Variants in KIAA1549L observed in about 807,000 individuals in gnomAD.
KIAA1549L encodes the protein UPF0606 protein KIAA1549L.
A neutral mutation model predicts 160.7 loss-of-function variants in KIAA1549L; 88 were observed. The ratio of observed to expected loss-of-function variants is 0.55; its 90% CI spans 0.46 to 0.65. The LOEUF is 0.65. Ranked by LOEUF, KIAA1549L falls within the 30% of genes least tolerant of loss-of-function variation. The pLI, the probability that KIAA1549L is intolerant of heterozygous loss-of-function variation, is 0.00. For missense variants in KIAA1549L, 2,258 were observed against 2,437.5 expected (o/e 0.93, Z 1.55); for synonymous variants, 950 against 976.7 (o/e 0.97, Z 0.51).
Position 33,552,161 on chromosome 11 carries a change from A to G in KIAA1549L, c.3775A>G (p.Thr1259Ala). The G allele has an allele frequency of 6.2e-7, 1 of 1,613,018 alleles. No homozygotes were observed. The highest frequency in any genetic ancestry group is 1.3e-5 in the African/African-American group (1 of 75,058). ...CATACAGTCCTGCAAGTTTGCTCAG[A>G]CAATGGAACAGAGGCTGCAGAAGGC... The part of the protein sequence containing the change: ...DNIQSCKFAQ[T>A]MEQRLQKAFQ... The change falls in exon 6 of 21, where the codon ACA becomes GCA. Residue 1259 changes from threonine (T) to alanine (A), a missense_variant. By Grantham distance (58) the Thr-to-Ala change is moderately conservative. Around this residue, in one of 6 missense-constraint regions of KIAA1549L, gnomAD observed 1,359 missense variants for 1,546.6 expected, o/e 0.88. Transcript: ENST00000658780.
chr11:33,618,350 A>G (rs1307459943), intron 15 of KIAA1549L, among the ~76,000 whole-genome samples, 183 bp from the exon 16 acceptor site: 2 of 120,644 alleles, frequency 1.7e-5, no homozygotes, highest in Non-Finnish European at 3.2e-5. Context: ...CAGCATCTGG[A>G]AAAAAAAAAA....
At chr11:33,580,475 G>C (rs887427217) in intron 10 of KIAA1549L, among the ~76,000 whole-genome samples, 2 of 149,320 alleles carry the variant, frequency 1.3e-5, no homozygotes, top group Non-Finnish European at 3.0e-5. Context: ...TTGGGAGGCT[G>C]ATGCACAAGA....
intron 1 of KIAA1549L, among the ~76,000 whole-genome samples, chr11:33,456,473 C>T (rs1000030637): frequency 1.3e-5 from 2 of 152,034 alleles, no homozygotes; most frequent in East Asian, 1.9e-4. Context: ...TATGATGGCG[C>T]GATCATGGCT....
Position 33,545,943 on chromosome 11 carries a change from A to C in KIAA1549L, c.3385+565A>C, listed in dbSNP as rs116697498. Among the ~76,000 whole-genome samples, 129 of 152,342 alleles carry C rather than the reference A, an allele frequency of 8.5e-4. 1 individual carries two copies. Among genetic ancestry groups the C allele is most frequent in the African/African-American group, 3.0e-3 (126 of 41,574 alleles). On this transcript the variant is annotated intron_variant, in intron 3 of 20. Coordinates refer to ENST00000658780, the MANE Select transcript of KIAA1549L (RefSeq NM_012194.3). Reference sequence around the variant, plus strand: ...GATAGCAAAAGCACAGCTTCTGCACACTATGTGGGAGCCCAGGATTTCTTT... The same window carrying C: ...GATAGCAAAAGCACAGCTTCTGCACCCTATGTGGGAGCCCAGGATTTCTTT...
At chr11:33,496,812 T>C (rs1408456430) in intron 1 of KIAA1549L, among the ~76,000 whole-genome samples, 1 of 152,218 alleles carries the variant, frequency 6.6e-6, no homozygotes, top group African/African-American at 2.4e-5. Context: ...CAAGCTCCTA[T>C]GGTGACCATA....
intron 19 of KIAA1549L, among the ~76,000 whole-genome samples, chr11:33,660,099 T>C (rs1297807413): frequency 3.9e-5 from 6 of 152,242 alleles, no homozygotes; most frequent in Non-Finnish European, 8.8e-5. Context: ...AGAGCACTAC[T>C]AGTGCATGCT....
intron 1 of KIAA1549L, among the ~76,000 whole-genome samples, chr11:33,491,721 A>G (rs1299002716): frequency 6.6e-6 from 1 of 152,212 alleles, no homozygotes; most frequent in Non-Finnish European, 1.5e-5. Context: ...GTCTGAAAAC[A>G]GAATGGTGTC....
chr11:33,531,158 A>G (rs1853759888), intron 1 of KIAA1549L, among the ~76,000 whole-genome samples: 1 of 152,190 alleles, frequency 6.6e-6, no homozygotes, highest in Non-Finnish European at 1.5e-5. Context: ...AGTGAAAGTG[A>G]AATTCTATTA....
intron 16 of KIAA1549L, among the ~76,000 whole-genome samples, chr11:33,632,431 A>G (rs1851322655): frequency 6.6e-6 from 1 of 152,194 alleles, no homozygotes; most frequent in Non-Finnish European, 1.5e-5. Context: ...TACACTGATT[A>G]ATTTAACTTG....
intron 7 of KIAA1549L, 89 bp from the exon 8 acceptor site, chr11:33,561,587 C>T: frequency 1.9e-6 from 2 of 1,065,532 alleles, no homozygotes. Flanking sequence ...GGCAACATAT[C>T]AAGATCCCAT....
Position 33,560,558 on chromosome 11 carries a change from C to T in KIAA1549L, c.4018+647C>T, listed in dbSNP as rs1467666151. 2.6e-5 allele frequency among the ~76,000 whole-genome samples: 4 copies of T among 152,318 alleles called. No individual in the cohort carries two copies. The East Asian group carries it at 7.7e-4, about 29-fold the overall frequency. On this transcript the variant is annotated intron_variant, in intron 7 of 20. Transcript: ENST00000658780. ...GTGGCCTCATCTTTTTCTAATGTTT[C>T]AGTTACATTATCCTCATTACCATGC...
chr11:33,400,826 T>G (rs1850483756), intron 1 of KIAA1549L, among the ~76,000 whole-genome samples: 1 of 152,226 alleles, frequency 6.6e-6, no homozygotes, highest in African/African-American at 2.4e-5. Flanking sequence ...ATATGGCATT[T>G]AATCTTCACA....
chr11:33,615,913 C>T (rs184921212), intron 15 of KIAA1549L, among the ~76,000 whole-genome samples: 1 of 152,318 alleles, frequency 6.6e-6, no homozygotes, highest in East Asian at 1.9e-4. Context: ...GAGAATTCCT[C>T]TCGAGTCTGC....
chr11:33,654,057 C>T (rs1303373805), intron 17 of KIAA1549L, among the ~76,000 whole-genome samples: 4 of 152,108 alleles, frequency 2.6e-5, no homozygotes, highest in African/African-American at 9.7e-5. Flanking sequence ...ACTGCAACCC[C>T]CAACTTCTGG....
intron 1 of KIAA1549L, among the ~76,000 whole-genome samples, chr11:33,389,710 A>G (rs1283553042): frequency 2.6e-5 from 4 of 152,304 alleles, no homozygotes; most frequent in Admixed American, 1.3e-4. Flanking sequence ...GACCAATGTA[A>G]TATCTTTTCT....
chr11:33,469,563 G>A (rs1852135147), intron 1 of KIAA1549L, among the ~76,000 whole-genome samples: 1 of 152,178 alleles, frequency 6.6e-6, no homozygotes, highest in South Asian at 2.1e-4. Context: ...TGGATCATAT[G>A]ATAACTATGT....
intron 1 of KIAA1549L, among the ~76,000 whole-genome samples, chr11:33,464,400 ATATCC>A (rs1439415926): frequency 6.6e-6 from 1 of 152,024 alleles, no homozygotes; most frequent in Non-Finnish European, 1.5e-5. Flanking sequence ...TCTCTCGCTT[ATATCC>A]TAGTGGAGAA....
rs7951687 is a variant in KIAA1549L, at chr11:33,484,824, A to T, written c.239-56978A>T. The stretch of plus-strand genomic sequence containing the variant: ...TGTAGTTTATTTTCTTCTCTGTATA[A>T]TCTCACTTTGATAATTTATTTTTTT... On this transcript the variant is annotated intron_variant, in intron 1 of 20. Transcript: ENST00000658780. Among the ~76,000 whole-genome samples, 1,074 of 152,122 alleles carry T rather than the reference A, an allele frequency of 7.1e-3. 16 individuals are homozygous for T. The highest frequency in any genetic ancestry group is 0.025 in the African/African-American group (1,037 of 41,488).
rs753967057 is a variant in KIAA1549L at position 33,547,857 on chromosome 11, A to G, written c.3479A>G (p.His1160Arg). The part of the protein sequence containing the change: ...GLTQALRKAF[H>R]QNDVSAHVDI... ...ACACAGGCATTGCGGAAGGCTTTCCACCAGAACGATGTCTCAGCTCACGTA... is the reference window on the plus strand; with the variant it reads ...ACACAGGCATTGCGGAAGGCTTTCCGCCAGAACGATGTCTCAGCTCACGTA... The change falls in exon 4 of 21, where the codon CAC (histidine) becomes CGC (arginine). Residue 1160 changes from histidine (H) to arginine (R), a missense_variant. Coordinates refer to ENST00000658780, the MANE Select transcript of KIAA1549L (RefSeq NM_012194.3). 4 of 1,612,708 alleles carry G rather than the reference A, an allele frequency of 2.5e-6. No individual in the cohort carries two copies. The highest frequency in any genetic ancestry group is 3.4e-6 in the Non-Finnish European group (4 of 1,179,034).
Sources: gnomAD v4.1 joint callset for allele counts (sites outside exome capture counted in the v4.1 genomes callset) on GRCh38, gnomAD v4.1.1 for gene constraint, gnomAD v4.1.1 regional missense constraint, MANE v1.5 for transcripts, NCBI Gene and HGNC (gene_info 2026-07-23, HGNC 2026-07-21) for gene names.